The following RSU1 variants were observed in gnomAD, a reference collection of about 807,000 sequenced individuals.
RSU1 encodes Ras suppressor protein 1.
A neutral mutation model predicts 31.1 loss-of-function variants in RSU1; 26 were observed. The ratio of observed to expected loss-of-function variants is 0.84; its 90% CI spans 0.61 to 1.16. The LOEUF (loss-of-function observed/expected upper bound fraction) is 1.16. Among genes scored for constraint, RSU1 ranks in the 50% most tolerant of loss-of-function variants. The probability of loss-of-function intolerance (pLI) is 0.00; values close to 1 mark genes in which losing one functional copy is unlikely to be tolerated. For synonymous variants in RSU1, 164 were observed against 136.3 expected, an observed-to-expected ratio of 1.20 and a Z score of -1.41; for missense variants, 320 against 339.1, an observed-to-expected ratio of 0.94 and a Z score of 0.44.
chr10:16,769,114 T>C (rs1398641474), intron 3 of RSU1, among the ~76,000 whole-genome samples: 1 of 152,172 alleles, frequency 6.6e-6, no homozygotes, highest in Non-Finnish European at 1.5e-5. Context: ...ACAAACTGTC[T>C]CCCCTCCATA....
chr10:16,732,924 A>G (rs1184278279), intron 7 of RSU1, among the ~76,000 whole-genome samples: 2 of 152,196 alleles, frequency 1.3e-5, no homozygotes, highest in East Asian at 1.9e-4. Context: ...CAAGGTTGGA[A>G]GCATGGATGG....
intron 7 of RSU1, among the ~76,000 whole-genome samples, chr10:16,725,085 C>G (rs1170668081): frequency 6.6e-6 from 1 of 152,134 alleles, no homozygotes; most frequent in African/African-American, 2.4e-5. Context: ...ATTTCTTCAC[C>G]TGAATAGTTG....
At chr10:16,601,305 G>T in intron 8 of RSU1, among the ~76,000 whole-genome samples, 1 of 152,126 alleles carries the variant, frequency 6.6e-6, no homozygotes, top group Non-Finnish European at 1.5e-5. Flanking sequence ...ATATTAATCA[G>T]GTCTGATAGG....
chr10:16,762,350 G>C (rs1837226462), intron 4 of RSU1, among the ~76,000 whole-genome samples: 1 of 150,866 alleles, frequency 6.6e-6, no homozygotes, highest in South Asian at 2.1e-4. Flanking sequence ...TTTAATAAAT[G>C]AACAAATTAA....
intron 8 of RSU1, among the ~76,000 whole-genome samples, chr10:16,660,499 T>C (rs1372352873): frequency 6.6e-6 from 1 of 152,164 alleles, no homozygotes; most frequent in Non-Finnish European, 1.5e-5. Context: ...AGTATTTTAA[T>C]ATAGTGGATC....
At position 16,593,308 on chromosome 10, in the gene RSU1, T is replaced by G; in HGVS notation, c.*86A>C. The G allele has an allele frequency of 6.3e-7, 1 of 1,592,078 alleles. No homozygotes were observed. The highest frequency in any genetic ancestry group is 1.3e-5 in the African/African-American group (1 of 74,170). On this transcript the variant is annotated 3_prime_UTR_variant, in exon 9 of 9. Transcript: ENST00000345264. ...AATAAAAAAGGCCTCACACGCAGCA[T>G]TGGGTTTATTTGAGAGACAGGGCAA...
chr10:16,635,796 GGGT>G lies in RSU1; in HGVS notation c.732-42303_732-42301del, dbSNP rs551697951. Among the ~76,000 whole-genome samples the G allele has an allele frequency of 7.2e-5, 11 of 152,288 alleles. No individual in the cohort carries two copies. In the South Asian group the frequency reaches 2.1e-3, roughly 29 times the overall value. On this transcript the variant is annotated intron_variant, in intron 8 of 8. Transcript: ENST00000345264. ...GGCTTATCCATGTTGTACCCATCAC[GGGT>G]AAGCTTCTAGCCCCATTTCGTCACC...
chr10:16,666,798 G>C (rs1834997219), intron 8 of RSU1, among the ~76,000 whole-genome samples: 1 of 152,036 alleles, frequency 6.6e-6, no homozygotes, highest in Non-Finnish European at 1.5e-5. Context: ...GACCAGCCTG[G>C]CCAGCATGGT....
chr10:16,722,993 T>C (rs1299484014), intron 7 of RSU1: 2 of 150,284 alleles, frequency 1.3e-5, no homozygotes, highest in Non-Finnish European at 3.0e-5. Context: ...CACATATACA[T>C]ATATGCATAT....
intron 8 of RSU1, among the ~76,000 whole-genome samples, chr10:16,664,137 TC>T (rs1389509908): frequency 6.6e-6 from 1 of 152,196 alleles, no homozygotes; most frequent in East Asian, 1.9e-4. Context: ...ATCTAATGCA[TC>T]TCCTTTAACA....
At position 16,595,718 on chromosome 10, in the gene RSU1, C is replaced by T. The variant is rs114767856; in HGVS notation, c.732-2222G>A. Among the ~76,000 whole-genome samples, 792 of 152,210 alleles carry T rather than the reference C, an allele frequency of 5.2e-3. 7 individuals are homozygous for T. The highest frequency in any genetic ancestry group is 0.018 in the African/African-American group (746 of 41,510). ...AGAAGAAACAACTCCTTAAGAGAAT[C>T]TGAACTTCGGGAGGGTAAGGCAGGC... is the stretch of plus-strand genomic sequence containing the variant. On this transcript the variant is annotated intron_variant, in intron 8 of 8. Transcript: ENST00000345264.
intron 8 of RSU1, among the ~76,000 whole-genome samples, chr10:16,692,065 A>AC: frequency 6.6e-6 from 1 of 152,222 alleles, no homozygotes; most frequent in Admixed American, 6.5e-5. Context: ...GCCTACTGAA[A>AC]CTTTTTAATG....
chr10:16,659,586 C>A (rs574366367), intron 8 of RSU1, among the ~76,000 whole-genome samples: 63 of 152,140 alleles, frequency 4.1e-4, no homozygotes, highest in African/African-American at 1.5e-3. Flanking sequence ...TTATCCTGTT[C>A]CATTGGTCTC....
At chr10:16,800,034 A>G (rs986589846) in intron 2 of RSU1, among the ~76,000 whole-genome samples, 5 of 152,178 alleles carry the variant, frequency 3.3e-5, no homozygotes, top group Admixed American at 2.6e-4. Context: ...TAAGGATTCA[A>G]CAGGGAAAAT....
rs1222818022 is a variant in RSU1 at position 16,594,761 on chromosome 10, TTATC to T, written c.732-1269_732-1266del. The stretch of plus-strand genomic sequence containing the variant: ...TATATATCATATAAAATATACTATA[TTATC>T]TATTATATATCATATATATATATAT... On this transcript the variant is annotated intron_variant, in intron 8 of 8. Coordinates refer to ENST00000345264, the MANE Select transcript of RSU1 (RefSeq NM_012425.4). Among the ~76,000 whole-genome samples, 7 of 145,570 alleles carry T rather than the reference TTATC, an allele frequency of 4.8e-5. No homozygotes were observed. The East Asian group carries it at 1.2e-3, about 24-fold the overall frequency.
intron 3 of RSU1, among the ~76,000 whole-genome samples, chr10:16,772,202 C>T (rs1383393678): frequency 2.6e-5 from 4 of 152,124 alleles, no homozygotes; most frequent in African/African-American, 4.8e-5. Flanking sequence ...GTGATAAGGT[C>T]GATTTTAGAG....
intron 8 of RSU1, among the ~76,000 whole-genome samples, chr10:16,634,505 AT>A (rs1326193182): frequency 1.3e-5 from 2 of 152,180 alleles, no homozygotes; most frequent in African/African-American, 4.8e-5. Context: ...TCACCTTACA[AT>A]GGTTTTTTGA....
At chr10:16,597,191 T>C (rs951047601) in intron 8 of RSU1, among the ~76,000 whole-genome samples, 3 of 152,200 alleles carry the variant, frequency 2.0e-5, no homozygotes, top group African/African-American at 7.2e-5. Context: ...GAGTCAAGTG[T>C]TGAATGCGGG....
intron 8 of RSU1, among the ~76,000 whole-genome samples, chr10:16,622,821 G>C (rs7078394): frequency 0.21 from 32,641 of 152,112 alleles, 4,323 homozygotes; most frequent in African/African-American, 0.38. Flanking sequence ...CAGAGTCACA[G>C]ACTGCCTGGC....
Sources: allele counts gnomAD v4.1 joint callset (sites outside exome capture counted in the v4.1 genomes callset), GRCh38; gene constraint gnomAD v4.1.1; transcripts MANE v1.5; gene names NCBI Gene and HGNC (gene_info 2026-07-23, HGNC 2026-07-21).